CDH18: variants seen among roughly 807,000 people sequenced by gnomAD.
CDH18 encodes the protein cadherin-18.
CDH18 carries 31 observed loss-of-function variants against 67.9 expected under a neutral mutation model. The observed-to-expected ratio is 0.46, with a 90% CI of 0.34 to 0.62. The LOEUF (loss-of-function observed/expected upper bound fraction) is 0.62, where lower values mean the gene tolerates loss of function less well. CDH18 is among the 20% of genes least tolerant of loss of function. The pLI is 0.01. For synonymous variants in CDH18, 362 were observed against 347.2 expected (o/e 1.04, Z -0.48); for missense variants, 890 against 975.5 (o/e 0.91, Z 1.17).
intron 1 of CDH18, among the ~76,000 whole-genome samples, chr5:20,399,838 C>T (rs750156596): frequency 1.3e-5 from 2 of 152,098 alleles, no homozygotes; most frequent in Non-Finnish European, 2.9e-5. Context: ...TGGAAATCTG[C>T]CTCCAGAAAT....
chr5:20,552,528 T>C (rs1757686835), intron 1 of CDH18, among the ~76,000 whole-genome samples: 1 of 152,092 alleles, frequency 6.6e-6, no homozygotes, highest in South Asian at 2.1e-4. Flanking sequence ...TTCTTTCTTC[T>C]CTAATTTTAT....
At chr5:20,265,099 C>A (rs887059867) in intron 1 of CDH18, among the ~76,000 whole-genome samples, 23 of 152,154 alleles carry the variant, frequency 1.5e-4, no homozygotes, top group Non-Finnish European at 4.4e-5. Flanking sequence ...AGAAAACACA[C>A]ATCAGTTATT....
In CDH18 at chr5:20,279,699, C is replaced by CAAAAAAAAAAAA. The variant is rs1189257278; in HGVS notation, c.-579-24206_-579-24195dup. 1.8e-3 allele frequency among the ~76,000 whole-genome samples: 24 copies of CAAAAAAAAAAAA among 13,598 alleles called. 3 individuals carry two copies. Among genetic ancestry groups the CAAAAAAAAAAAA allele is most frequent in the South Asian group, 7.9e-3 (1 of 126 alleles). 8.9% of individuals were successfully genotyped at this position (13,598 alleles called of 152,430 possible). On this transcript the variant is annotated intron_variant, in intron 1 of 14. Coordinates refer to the CDH18 transcript ENST00000507958. ...GGGTGACAAAAGAGAAGCTCTGTCT[C>CAAAAAAAAAAAA]AAAAAAAAAAAAAAAAAAAAAAAAA...
intron 1 of CDH18, among the ~76,000 whole-genome samples, chr5:20,528,867 A>G (rs1368741751): frequency 6.6e-6 from 1 of 152,096 alleles, no homozygotes; most frequent in Non-Finnish European, 1.5e-5. Context: ...CCCCAGAGTT[A>G]GCAGGAGACA....
At position 19,473,028 on chromosome 5, in the gene CDH18, GTCT is replaced by G; in HGVS notation, c.*195_*197del. 1 of 512,978 alleles carries G rather than the reference GTCT, an allele frequency of 1.9e-6. No homozygotes were observed. Among genetic ancestry groups the G allele is most frequent in the Non-Finnish European group, 3.3e-6 (1 of 303,896 alleles). The allele number at this position is 512,978 out of a possible 1,614,324, so 31.8% of individuals were successfully genotyped here. Reference sequence around the variant, plus strand: ...GGAACAATAACTTTTTCTTTGTATTGTCTTTTTTTTTTTTTTTTTACTTTCTTC... The same window carrying G: ...GGAACAATAACTTTTTCTTTGTATTGTTTTTTTTTTTTTTTTACTTTCTTC... On this transcript the variant is annotated 3_prime_UTR_variant, in exon 13 of 13. Transcript: ENST00000382275.
intron 1 of CDH18, among the ~76,000 whole-genome samples, chr5:20,263,211 G>T (rs1475641698): frequency 6.6e-6 from 1 of 152,126 alleles, no homozygotes; most frequent in Non-Finnish European, 1.5e-5. Context: ...CCAAGTACAT[G>T]TGTGGCACTT....
intron 1 of CDH18, among the ~76,000 whole-genome samples, chr5:20,479,808 A>G (rs1328227340): frequency 6.6e-6 from 1 of 152,162 alleles, no homozygotes; most frequent in African/African-American, 2.4e-5. Context: ...AGCACCAAGT[A>G]TATTTAACCC....
intron 1 of CDH18, among the ~76,000 whole-genome samples, chr5:20,409,535 T>G (rs1746588770): frequency 6.6e-6 from 1 of 151,566 alleles, no homozygotes; most frequent in Admixed American, 6.6e-5. Context: ...AAGAGGAAAG[T>G]TTATATTGAT....
chr5:19,869,063 G>T (rs1785927332), intron 2 of CDH18, among the ~76,000 whole-genome samples: 1 of 152,090 alleles, frequency 6.6e-6, no homozygotes, highest in Non-Finnish European at 1.5e-5. Context: ...GGCAATGTAT[G>T]GAGAAAATAA....
chr5:19,624,432 T>C (rs1050758575), intron 5 of CDH18, among the ~76,000 whole-genome samples: 2 of 152,206 alleles, frequency 1.3e-5, no homozygotes, highest in African/African-American at 4.8e-5. Flanking sequence ...ATACATGTTA[T>C]TTATGTCACA....
intron 3 of CDH18, among the ~76,000 whole-genome samples, chr5:19,814,274 T>G (rs1051074771): frequency 6.6e-6 from 1 of 152,038 alleles, no homozygotes; most frequent in Non-Finnish European, 1.5e-5. Flanking sequence ...CCTTGTTGCT[T>G]AACGAATATT....
intron 3 of CDH18, among the ~76,000 whole-genome samples, chr5:19,836,603 TC>T (rs1294198868): frequency 6.6e-6 from 1 of 152,180 alleles, no homozygotes; most frequent in Non-Finnish European, 1.5e-5. Context: ...AAACATTTTC[TC>T]CCATTCTTTA....
At chr5:19,524,837 C>T (rs1342734547) in intron 9 of CDH18, among the ~76,000 whole-genome samples, 1 of 152,122 alleles carries the variant, frequency 6.6e-6, no homozygotes, top group Non-Finnish European at 1.5e-5. Flanking sequence ...GCTCCGCCTC[C>T]CGGGTTCACG....
intron 1 of CDH18, among the ~76,000 whole-genome samples, chr5:20,280,197 AT>A (rs889754909): frequency 1.3e-5 from 2 of 151,310 alleles, no homozygotes; most frequent in African/African-American, 4.9e-5. Flanking sequence ...TATTTTATTT[AT>A]TTTTTTTCTG....
chr5:20,271,909 C>T (rs1381490379), intron 1 of CDH18, among the ~76,000 whole-genome samples: 1 of 132,138 alleles, frequency 7.6e-6, no homozygotes, highest in African/African-American at 2.7e-5. Flanking sequence ...ACATCTGCCA[C>T]TTGCTGTAGA....
At chr5:20,242,489 G>A (rs1431895445) in intron 2 of CDH18, among the ~76,000 whole-genome samples, 1 of 149,954 alleles carries the variant, frequency 6.7e-6, no homozygotes, top group African/African-American at 2.5e-5. Context: ...TCCTGTCCCT[G>A]GCTTATTTCT....
intron 2 of CDH18, among the ~76,000 whole-genome samples, chr5:20,152,053 C>A (rs1357930419): frequency 6.8e-6 from 1 of 147,954 alleles, no homozygotes; most frequent in East Asian, 2.0e-4. Context: ...ATGTTGAGAA[C>A]CTTTTTGGGT....
intron 5 of CDH18, among the ~76,000 whole-genome samples, chr5:19,622,535 G>A (rs1422696289): frequency 2.0e-5 from 3 of 152,278 alleles, no homozygotes; most frequent in African/African-American, 7.2e-5. Flanking sequence ...GCCTGTGACT[G>A]CTTTAATCAA....
At chr5:19,674,219 A>C (rs1023024960) in intron 5 of CDH18, among the ~76,000 whole-genome samples, 6 of 152,136 alleles carry the variant, frequency 3.9e-5, no homozygotes, top group African/African-American at 1.4e-4. Flanking sequence ...AGTTCAGTAA[A>C]TTAGAAGTTG....
Sources: allele counts gnomAD v4.1 joint callset (sites outside exome capture counted in the v4.1 genomes callset), GRCh38; gene constraint gnomAD v4.1.1; transcripts MANE v1.5; gene names NCBI Gene and HGNC (gene_info 2026-07-23, HGNC 2026-07-21).